The following BTN3A1 variants were observed in gnomAD, a reference collection of about 807,000 sequenced individuals.
The protein encoded by BTN3A1 is dJ45P21.3 (butyrophilin, subfamily 3, member A1).
Under a neutral mutation model 43.0 loss-of-function variants are expected in BTN3A1, and 24 were observed. The ratio of observed to expected loss-of-function variants is 0.56; its 90% confidence interval spans 0.40 to 0.78. The LOEUF is 0.78. Ranked by LOEUF, BTN3A1 falls within the 30% of genes least tolerant of loss-of-function variation. The probability of loss-of-function intolerance (pLI) is 0.00; values close to 1 mark genes in which losing one functional copy is unlikely to be tolerated. For synonymous variants in BTN3A1, 181 were observed against 234.7 expected (o/e 0.77, Z 2.09); for missense variants, 533 against 626.2 (o/e 0.85, Z 1.59).
chr6:26,406,589 C>G (rs2113790142), intron 3 of BTN3A1, among the ~76,000 whole-genome samples: 1 of 152,320 alleles, frequency 6.6e-6, no homozygotes, highest in South Asian at 2.1e-4. Flanking sequence ...TACTGGATGG[C>G]TTCTGTGGCT....
At chr6:26,408,332 G>A (rs960973646) in intron 4 of BTN3A1, among the ~76,000 whole-genome samples, 1 of 152,066 alleles carries the variant, frequency 6.6e-6, no homozygotes, top group African/African-American at 2.4e-5. Context: ...TTTTAACAAA[G>A]GTCATAAATT....
Position 26,415,074 on chromosome 6 carries a change from T to C in BTN3A1, c.*1382T>C, listed in dbSNP as rs1475589031. The C allele has an allele frequency of 6.6e-6, 1 of 152,190 alleles. No individual in the cohort carries two copies. The highest frequency in any genetic ancestry group is 1.5e-5 in the Non-Finnish European group (1 of 68,042). The allele number at this position is 152,190 out of a possible 1,614,324, so 9.4% of individuals were successfully genotyped here. A position where few individuals can be genotyped will look rare whatever the true frequency, so the allele number is the denominator to read the frequency against. ...CTCATTGGTGGATGTTAAACCAATA[T>C]TCCTTTCAACTGCTGCCTGCTAGGG... On this transcript the variant is annotated 3_prime_UTR_variant, in exon 10 of 10. Coordinates refer to ENST00000289361, the MANE Select transcript of BTN3A1 (RefSeq NM_007048.6).
intron 9 of BTN3A1, 118 bp downstream of exon 9, chr6:26,411,699 T>C: frequency 7.6e-7 from 1 of 1,313,202 alleles, no homozygotes; most frequent in Non-Finnish European, 1.1e-6. Context: ...ACTAGGAGAA[T>C]TTGGGGTAGG....
intron 9 of BTN3A1, 46 bp downstream of exon 9, chr6:26,411,627 T>G (rs1762223875): frequency 6.3e-7 from 1 of 1,586,764 alleles, no homozygotes; most frequent in East Asian, 2.2e-5. Context: ...CCTGAGGGAC[T>G]ATATTCCTTT....
intron 9 of BTN3A1, chr6:26,412,653 A>G: frequency 1.9e-6 from 3 of 1,550,890 alleles, no homozygotes; most frequent in Non-Finnish European, 2.6e-6. Context: ...AGTAAATAAC[A>G]TGATTGCCTT....
intron 3 of BTN3A1, among the ~76,000 whole-genome samples, chr6:26,407,096 A>G (rs1490645070): frequency 6.6e-6 from 1 of 152,192 alleles, no homozygotes; most frequent in Non-Finnish European, 1.5e-5. Context: ...CCCATGATCC[A>G]TCATAGTCAC....
chr6:26,407,488 G>C (rs918006639), intron 3 of BTN3A1, among the ~76,000 whole-genome samples, 183 bp from the exon 4 acceptor site: 31 of 152,284 alleles, frequency 2.0e-4, no homozygotes, highest in African/African-American at 7.5e-4. Context: ...TAGCCCCACT[G>C]TTACTGACCC....
rs367894457 is a variant in BTN3A1, at chr6:26,406,054, C to T, written c.231C>T (p.Asn77=). 1.2e-4 allele frequency: 198 copies of T among 1,607,622 alleles called. 2 individuals carry two copies. The highest frequency in any genetic ancestry group is 3.9e-4 in the South Asian group (35 of 90,782). The change falls in exon 3 of 10, where the codon AAC becomes AAT. Residue 77 remains asparagine (N), a synonymous_variant. Transcript: ENST00000289361. ...WVSSSLRQVV[N]VYADGKEVED... ...GTTCCAGCCTAAGGCAGGTGGTGAA[C>T]GTGTATGCAGATGGAAAGGAAGTGG...
At chr6:26,412,339 G>A (rs1044454423) in intron 9 of BTN3A1, 4 of 679,702 alleles carry the variant, frequency 5.9e-6, no homozygotes, top group Non-Finnish European at 1.1e-5. Context: ...AGCAGCAGCT[G>A]CTGCTGGCAG....
intron 4 of BTN3A1, among the ~76,000 whole-genome samples, chr6:26,409,078 GC>G (rs1296911712): frequency 7.1e-6 from 1 of 141,554 alleles, no homozygotes; most frequent in Non-Finnish European, 1.5e-5. Context: ...ACCTAAAGGA[GC>G]CAGCATTGAC....
chr6:26,402,869 A>G (rs569011510), intron 1 of BTN3A1, among the ~76,000 whole-genome samples: 105 of 152,296 alleles, frequency 6.9e-4, no homozygotes, highest in African/African-American at 1.7e-3. Flanking sequence ...CATAAAAGAG[A>G]TTTCCATGCA....
At chr6:26,412,616 G>C in intron 9 of BTN3A1, 1 of 1,547,612 alleles carries the variant, frequency 6.5e-7, no homozygotes, top group East Asian at 2.4e-5. Flanking sequence ...AAGATGAGGA[G>C]CTTCCTTCAT....
chr6:26,410,054 T>C (rs552199065), intron 7 of BTN3A1, 22 bp downstream of exon 7: 1 of 1,613,572 alleles, frequency 6.2e-7, no homozygotes, highest in African/African-American at 1.3e-5. Flanking sequence ...TGACATTTTC[T>C]CTGAATTTGA....
At chr6:26,406,747 T>C (rs2393651) in intron 3 of BTN3A1, among the ~76,000 whole-genome samples, 3 of 152,162 alleles carry the variant, frequency 2.0e-5, no homozygotes. Context: ...AGAACACATA[T>C]CATGGGGAGC....
At chr6:26,410,139 C>T in intron 7 of BTN3A1, 107 bp downstream of exon 7, 1 of 1,401,262 alleles carries the variant, frequency 7.1e-7, no homozygotes, top group South Asian at 1.2e-5. Flanking sequence ...TCTTAGATCC[C>T]TTTGACTAAG....
chr6:26,412,747 T>G (rs1295517983), intron 9 of BTN3A1: 3 of 1,551,360 alleles, frequency 1.9e-6, no homozygotes, highest in Non-Finnish European at 2.6e-6. Context: ...GTTAAATAAA[T>G]TGGATGTATG....
At chr6:26,410,854 T>A (rs1000508885) in intron 7 of BTN3A1, among the ~76,000 whole-genome samples, 1 of 151,098 alleles carries the variant, frequency 6.6e-6, no homozygotes, top group African/African-American at 2.4e-5. Flanking sequence ...TATAGATACA[T>A]TCCAAATAGA....
At chr6:26,405,242 G>C (rs1761972562) in intron 1 of BTN3A1, 130 bp from the exon 2 acceptor site, 1 of 409,530 alleles carries the variant, frequency 2.4e-6, no homozygotes, top group East Asian at 4.7e-5. Flanking sequence ...ATCAGAGGGG[G>C]ATTGTGGTGG....
intron 9 of BTN3A1, chr6:26,412,791 A>G: frequency 6.4e-7 from 1 of 1,551,332 alleles, no homozygotes; most frequent in Non-Finnish European, 8.7e-7. Context: ...GAACTCATTT[A>G]GCTCATGAGT....
Sources: gnomAD v4.1 joint callset for allele counts (sites outside exome capture counted in the v4.1 genomes callset) on GRCh38, gnomAD v4.1.1 for gene constraint, MANE v1.5 for transcripts, NCBI Gene and HGNC (gene_info 2026-07-23, HGNC 2026-07-21) for gene names.